The following GRIN3A variants were observed in gnomAD, a reference collection of about 807,000 sequenced individuals.
The protein encoded by GRIN3A is glutamate ionotropic receptor NMDA type subunit 3A.
A neutral mutation model predicts 92.4 loss-of-function variants in GRIN3A; 47 were observed. That is an observed-to-expected ratio of 0.51 (90% CI 0.40 to 0.65). The LOEUF is 0.65. Among genes scored for constraint, GRIN3A ranks in the 30% least tolerant of loss-of-function variants. The probability of loss-of-function intolerance (pLI) is 0.00; values close to 1 mark genes in which losing one functional copy is unlikely to be tolerated. For synonymous variants in GRIN3A, 527 were observed against 540.6 expected (o/e 0.97, Z 0.35); for missense variants, 1,324 against 1,393.1 (o/e 0.95, Z 0.79).
intron 6 of GRIN3A, among the ~76,000 whole-genome samples, chr9:101,597,050 T>G (rs929143917): frequency 6.6e-6 from 1 of 152,234 alleles, no homozygotes; most frequent in African/African-American, 2.4e-5. Context: ...CTTTCACCTC[T>G]GCTTCTCTTT....
At position 101,686,482 on chromosome 9, in the gene GRIN3A, A is replaced by G; in HGVS notation, c.1304+114T>C. 8.7e-6 allele frequency: 10 copies of G among 1,149,200 alleles called. No individual in the cohort carries two copies. The South Asian group carries it at 1.2e-4, about 14-fold the overall frequency. The allele number at this position is 1,149,200 out of a possible 1,614,324, so 71.2% of individuals were successfully genotyped here. A position where few individuals can be genotyped will look rare whatever the true frequency, so the allele number is the denominator to read the frequency against. ...AACCAGAAATCCTCTAAGAAATATT[A>G]TTAAAGTTTAAAGCTACTCAGAGTC... is the stretch of plus-strand genomic sequence containing the variant. On this transcript the variant is annotated intron_variant, in intron 2 of 8. Coordinates refer to ENST00000361820, the MANE Select transcript of GRIN3A (RefSeq NM_133445.3).
At chr9:101,604,944 T>C (rs998327867) in intron 6 of GRIN3A, among the ~76,000 whole-genome samples, 6 of 150,436 alleles carry the variant, frequency 4.0e-5, no homozygotes, top group Non-Finnish European at 7.4e-5. Context: ...ATTTTCTCAA[T>C]AAATATTAAT....
chr9:101,736,671 G>A (rs896068655), intron 1 of GRIN3A, among the ~76,000 whole-genome samples: 49 of 152,012 alleles, frequency 3.2e-4, no homozygotes, highest in Admixed American at 2.9e-3. Context: ...TCCAATATCC[G>A]AGACTAATTG....
Position 101,613,427 on chromosome 9 carries a change from G to A in GRIN3A, c.2715C>T (p.Asp905=). 6.2e-7 allele frequency: 1 copy of A among 1,614,148 alleles called. No homozygotes were observed. The highest frequency in any genetic ancestry group is 8.5e-7 in the Non-Finnish European group (1 of 1,180,024). ...CACAGGGAACCACCCTGTACCACTT[G>A]TCATGGAGCATATCCATAAACCCAT... ...KSHGFMDMLH[D]KWYRVVPCGK... is the part of the protein sequence containing the mutation. Residue 905 remains aspartate, a synonymous_variant, in exon 6 of 9, where the codon GAC becomes GAT. Coordinates refer to ENST00000361820, the MANE Select transcript of GRIN3A (RefSeq NM_133445.3).
intron 1 of GRIN3A, among the ~76,000 whole-genome samples, chr9:101,717,416 A>G (rs930253610): frequency 5.3e-5 from 8 of 152,212 alleles, no homozygotes; most frequent in Non-Finnish European, 1.2e-4. Flanking sequence ...AAATCTGGGA[A>G]TCTACATTTT....
chr9:101,665,231 G>A (rs1248117237), intron 3 of GRIN3A, among the ~76,000 whole-genome samples: 3 of 151,870 alleles, frequency 2.0e-5, no homozygotes, highest in African/African-American at 7.2e-5. Context: ...CCTCTAAGAG[G>A]TAAAAACATC....
chr9:101,628,519 G>T (rs1379388989), intron 3 of GRIN3A, 118 bp from the exon 4 acceptor site: 9 of 940,668 alleles, frequency 9.6e-6, no homozygotes, highest in Non-Finnish European at 1.5e-5. Flanking sequence ...AACCCCCACA[G>T]GCAGAAACAT....
intron 5 of GRIN3A, among the ~76,000 whole-genome samples, chr9:101,615,411 C>CA (rs1343913540): frequency 8.2e-6 from 1 of 121,268 alleles, no homozygotes; most frequent in Middle Eastern, 5.9e-3. Context: ...TTTTTTGAGA[C>CA]AGAGTCTCGA....
Position 101,571,757 on chromosome 9 carries a change from T to TGGG in GRIN3A, c.*1416_*1417insCCC, listed in dbSNP as rs1470253996. The TGGG allele has an allele frequency of 6.6e-6, 1 of 152,216 alleles. No individual in the cohort carries two copies. The highest frequency in any genetic ancestry group is 1.5e-5 in the Non-Finnish European group (1 of 68,046). 9.4% of individuals were successfully genotyped at this position (152,216 alleles called of 1,614,324 possible). ...AGAAAAGTAATTTTTAGACCACCTG[T>TGGG]GTCAGTCACTTGGGGGTGTTGGTTA... On this transcript the variant is annotated 3_prime_UTR_variant, in exon 9 of 9. Transcript: ENST00000361820.
intron 3 of GRIN3A, among the ~76,000 whole-genome samples, chr9:101,659,310 A>C (rs553988204): frequency 1.3e-5 from 2 of 151,762 alleles, no homozygotes; most frequent in South Asian, 4.2e-4. Flanking sequence ...AAATACACAC[A>C]TAAATATTTA....
chr9:101,675,667 G>GTT (rs34531662), intron 2 of GRIN3A, among the ~76,000 whole-genome samples: 367 of 147,614 alleles, frequency 2.5e-3, no homozygotes, highest in African/African-American at 6.0e-3. Flanking sequence ...CATAGGAGGG[G>GTT]TTTTTTTTTT....
chr9:101,714,866 A>C (rs1027701594), intron 1 of GRIN3A, among the ~76,000 whole-genome samples: 1 of 152,326 alleles, frequency 6.6e-6, no homozygotes, highest in South Asian at 2.1e-4. Flanking sequence ...AAAACTAAAA[A>C]GGTGATCTTC....
At chr9:101,692,172 A>G (rs189973289) in intron 1 of GRIN3A, among the ~76,000 whole-genome samples, 12 of 152,186 alleles carry the variant, frequency 7.9e-5, no homozygotes, top group African/African-American at 2.9e-4. Flanking sequence ...TTTTACAAAC[A>G]TAAATTACAC....
chr9:101,715,943 T>G (rs1829940549), intron 1 of GRIN3A, among the ~76,000 whole-genome samples: 1 of 152,184 alleles, frequency 6.6e-6, no homozygotes, highest in Non-Finnish European at 1.5e-5. Flanking sequence ...TATATACAAA[T>G]TATTATATTT....
chr9:101,579,107 T>TTAG (rs1403352214), intron 7 of GRIN3A, 89 bp downstream of exon 7: 1 of 1,341,220 alleles, frequency 7.5e-7, no homozygotes, highest in Non-Finnish European at 1.1e-6. Flanking sequence ...GTAACATAAC[T>TTAG]TAGTAGTCTG....
rs1018564328 is a variant in GRIN3A at position 101,571,419 on chromosome 9, A to G, written c.*1755T>C. The G allele has an allele frequency of 1.3e-5, 2 of 152,194 alleles. 1 individual carries two copies. The highest frequency in any genetic ancestry group is 1.3e-4 in the Admixed American group (2 of 15,276). 9.4% of individuals were successfully genotyped at this position (152,194 alleles called of 1,614,324 possible). The stretch of plus-strand genomic sequence containing the variant: ...TAGAGGGAGAAGTTTTGTGACTGAG[A>G]CACCTTTCCAGTGATCTCCAGCTGT... On this transcript the variant is annotated 3_prime_UTR_variant, in exon 9 of 9. Transcript: ENST00000361820.
chr9:101,662,737 C>G (rs1333479061), intron 3 of GRIN3A, among the ~76,000 whole-genome samples: 1 of 151,740 alleles, frequency 6.6e-6, no homozygotes, highest in African/African-American at 2.4e-5. Context: ...TATTCAGTCT[C>G]CCAACTTGGT....
At chr9:101,585,479 G>A (rs942682479) in intron 6 of GRIN3A, among the ~76,000 whole-genome samples, 1 of 152,090 alleles carries the variant, frequency 6.6e-6, no homozygotes. Context: ...ACATTTCAAA[G>A]ATAACACATT....
At chr9:101,632,445 G>A (rs2118885848) in intron 3 of GRIN3A, among the ~76,000 whole-genome samples, 1 of 151,834 alleles carries the variant, frequency 6.6e-6, no homozygotes, top group East Asian at 1.9e-4. Context: ...ACAAGCACAG[G>A]GCTTAGCACA....
Sources: gnomAD v4.1 joint callset for allele counts (sites outside exome capture counted in the v4.1 genomes callset) on GRCh38, gnomAD v4.1.1 for gene constraint, MANE v1.5 for transcripts, NCBI Gene and HGNC (gene_info 2026-07-23, HGNC 2026-07-21) for gene names.